The following MAPK4 variants were observed in gnomAD, a reference collection of about 807,000 sequenced individuals.
The protein encoded by MAPK4 is mitogen-activated protein kinase 4.
MAPK4 carries 22 observed loss-of-function variants against 47.7 expected under a neutral mutation model. The observed-to-expected ratio is 0.46, with a 90% CI of 0.33 to 0.66. The LOEUF (loss-of-function observed/expected upper bound fraction) is 0.66. MAPK4 is among the 30% of genes least tolerant of loss of function. The probability of loss-of-function intolerance (pLI) is 0.02; values close to 1 mark genes in which losing one functional copy is unlikely to be tolerated. For missense variants in MAPK4, 736 were observed against 831.7 expected, an observed-to-expected ratio of 0.88 and a Z score of 1.42; for synonymous variants, 390 against 365.7, an observed-to-expected ratio of 1.07 and a Z score of -0.76.
At chr18:50,605,056 T>C (rs550551920) in intron 1 of MAPK4, among the ~76,000 whole-genome samples, 3 of 152,342 alleles carry the variant, frequency 2.0e-5, no homozygotes, top group East Asian at 3.9e-4. Flanking sequence ...TACTGAGCTC[T>C]CACTATGTAC....
intron 1 of MAPK4, among the ~76,000 whole-genome samples, chr18:50,638,144 G>A (rs1170574372): frequency 2.0e-5 from 3 of 152,130 alleles, no homozygotes; most frequent in African/African-American, 2.4e-5. Context: ...GATGAGATGC[G>A]ATGCTAGGTT....
At chr18:50,676,933 G>A (rs8095870) in intron 2 of MAPK4, among the ~76,000 whole-genome samples, 106,757 of 152,100 alleles carry the variant, frequency 0.7, 40,442 homozygotes, top group Non-Finnish European at 0.85. Flanking sequence ...CCAACCCCTG[G>A]GCTGAGGACC....
intron 1 of MAPK4, among the ~76,000 whole-genome samples, chr18:50,574,034 C>T (rs11873631): frequency 0.26 from 39,894 of 151,970 alleles, 5,246 homozygotes; most frequent in South Asian, 0.32. Context: ...TCTGATTCCA[C>T]ATCGGCGTTC....
In MAPK4 at chr18:50,695,943, A is replaced by G. The variant is rs143648418; in HGVS notation, c.547-19136A>G. On this transcript the variant is annotated intron_variant, in intron 2 of 5. Transcript: ENST00000400384. ...AGGAAACTGAGGCTCAGAGAGGTTAAGAAAGTTGCTTTAAGTCACCAGCAA... is the reference window on the plus strand; with the variant it reads ...AGGAAACTGAGGCTCAGAGAGGTTAGGAAAGTTGCTTTAAGTCACCAGCAA... Among the ~76,000 whole-genome samples, 568 of 152,272 alleles carry G rather than the reference A, an allele frequency of 3.7e-3. 1 individual carries two copies. The highest frequency in any genetic ancestry group is 0.012 in the African/African-American group (515 of 41,548).
chr18:50,658,510 T>G (rs2043135510), intron 1 of MAPK4, among the ~76,000 whole-genome samples: 3 of 152,210 alleles, frequency 2.0e-5, no homozygotes, highest in Admixed American at 6.5e-5. Context: ...AAGACCCAAC[T>G]GAAATAATCA....
At chr18:50,596,111 C>T (rs2042479276) in intron 1 of MAPK4, among the ~76,000 whole-genome samples, 1 of 152,162 alleles carries the variant, frequency 6.6e-6, no homozygotes, top group Admixed American at 6.5e-5. Flanking sequence ...TAGGGCTTCA[C>T]ACATGTTCAC....
chr18:50,654,080 C>A (rs117892875), intron 1 of MAPK4, among the ~76,000 whole-genome samples: 1 of 152,170 alleles, frequency 6.6e-6, no homozygotes, highest in Non-Finnish European at 1.5e-5. Flanking sequence ...GTAGTATATA[C>A]GGCACACATC....
chr18:50,591,082 G>T (rs2042433134), intron 1 of MAPK4, among the ~76,000 whole-genome samples: 1 of 152,174 alleles, frequency 6.6e-6, no homozygotes, highest in Non-Finnish European at 1.5e-5. Flanking sequence ...CACAATAATT[G>T]GCCTGACTTC....
chr18:50,715,111 G>A lies in MAPK4; in HGVS notation c.579G>A (p.Trp193Ter). The A allele has an allele frequency of 6.2e-7, 1 of 1,614,162 alleles. No homozygotes were observed. The highest frequency in any genetic ancestry group is 8.5e-7 in the Non-Finnish European group (1 of 1,180,032). The change falls in exon 3 of 6, where the codon TGG becomes TGA. Residue 193 changes from tryptophan (W) to a stop codon, truncating the protein, a stop_gained. Coordinates refer to ENST00000400384, the MANE Select transcript of MAPK4 (RefSeq NM_002747.4). LOFTEE classifies it high-confidence loss of function. ...TGTCAGAAGGGTTGGTAACAAAGTG[G>A]TACCGTTCCCCACGACTGCTCCTTT... Reference protein sequence around the residue: ...GYLSEGLVTKWYRSPRLLLSP... With the variant: ...GYLSEGLVTK
intron 1 of MAPK4, among the ~76,000 whole-genome samples, chr18:50,646,695 C>A (rs982801980): frequency 1.3e-5 from 2 of 152,220 alleles, no homozygotes; most frequent in African/African-American, 4.8e-5. Context: ...GAGGGGAGCA[C>A]AATAGGTCCT....
At chr18:50,655,460 G>T (rs757103661) in intron 1 of MAPK4, among the ~76,000 whole-genome samples, 1 of 152,146 alleles carries the variant, frequency 6.6e-6, no homozygotes, top group African/African-American at 2.4e-5. Context: ...ACCATTAGGA[G>T]CAGCCATCTG....
At chr18:50,721,910 A>G (rs770318514) in intron 3 of MAPK4, 28 bp from the exon 4 acceptor site, 15 of 1,613,104 alleles carry the variant, frequency 9.3e-6, no homozygotes, top group South Asian at 4.4e-5. Context: ...TGGACAGCAC[A>G]CTTAACCATC....
chr18:50,728,044 C>A (rs1044987738), intron 5 of MAPK4, among the ~76,000 whole-genome samples: 1 of 152,214 alleles, frequency 6.6e-6, no homozygotes, highest in African/African-American at 2.4e-5. Context: ...GGGAGGCGGG[C>A]AGTGCTGAGG....
chr18:50,669,146 G>A (rs1343556574), intron 2 of MAPK4: 1 of 152,266 alleles, frequency 6.6e-6, no homozygotes, highest in Non-Finnish European at 1.5e-5. Context: ...CCACCTGAGG[G>A]TGGCTTCTCA....
intron 1 of MAPK4, among the ~76,000 whole-genome samples, chr18:50,614,948 T>C (rs915838990): frequency 2.6e-5 from 4 of 152,230 alleles, no homozygotes; most frequent in Admixed American, 2.6e-4. Context: ...GGGCTGGCAC[T>C]GCTCAGATTC....
chr18:50,702,195 A>G (rs946985729), intron 2 of MAPK4, among the ~76,000 whole-genome samples: 7 of 149,448 alleles, frequency 4.7e-5, no homozygotes, highest in Non-Finnish European at 8.9e-5. Context: ...CAACCATTCT[A>G]AAGTATCAAC....
intron 2 of MAPK4, among the ~76,000 whole-genome samples, chr18:50,672,609 A>T (rs767353606): frequency 1.3e-5 from 2 of 151,978 alleles, no homozygotes; most frequent in Non-Finnish European, 1.5e-5. Context: ...TCAGAAGAAC[A>T]CCACACCCAG....
chr18:50,715,459 T>C (rs9947024), intron 3 of MAPK4, among the ~76,000 whole-genome samples: 2,659 of 152,318 alleles, frequency 0.017, 85 homozygotes, highest in African/African-American at 0.061. Context: ...GTAACTACTT[T>C]GCTATGACCT....
intron 1 of MAPK4, among the ~76,000 whole-genome samples, chr18:50,654,401 C>T (rs1167931438): frequency 2.6e-5 from 4 of 152,248 alleles, no homozygotes; most frequent in Admixed American, 1.3e-4. Flanking sequence ...GGCTCTGCCT[C>T]TCCTCTGAGA....
Sources: allele counts gnomAD v4.1 joint callset (sites outside exome capture counted in the v4.1 genomes callset), GRCh38; gene constraint gnomAD v4.1.1; transcripts MANE v1.5; gene names NCBI Gene and HGNC (gene_info 2026-07-23, HGNC 2026-07-21).